TP63: variants seen among roughly 807,000 people sequenced by gnomAD.
The protein encoded by TP63 is tumor protein 63.
TP63 carries 17 observed loss-of-function variants against 82.8 expected under a neutral mutation model. The ratio of observed to expected loss-of-function variants is 0.21; its 90% CI spans 0.14 to 0.31. The LOEUF is 0.31. TP63 is among the 10% of genes least tolerant of loss of function. TP63 has a pLI of 1.00. For missense variants in TP63, 648 were observed against 895.3 expected, an observed-to-expected ratio of 0.72 and a Z score of 3.52; for synonymous variants, 330 against 321.7, an observed-to-expected ratio of 1.03 and a Z score of -0.28.
At chr3:189,784,132 A>G (rs1724423199) in intron 3 of TP63, among the ~76,000 whole-genome samples, 2 of 151,976 alleles carry the variant, frequency 1.3e-5, no homozygotes, top group Non-Finnish European at 2.9e-5. Context: ...TAAATTTCAC[A>G]CTATTTTTGT....
In TP63 at chr3:189,895,682, G is replaced by A. The variant is rs1721414544; in HGVS notation, c.*1180G>A. On this transcript the variant is annotated 3_prime_UTR_variant, in exon 14 of 14. Coordinates refer to ENST00000264731, the MANE Select transcript of TP63 (RefSeq NM_003722.5). ...AATCTTTTGAAGCATAGATAATATT[G>A]TTTGGTAAATGTTTCTTTTGTTTGG... 1 of 228,168 alleles carries A rather than the reference G, an allele frequency of 4.4e-6. No individual in the cohort carries two copies. Among genetic ancestry groups the A allele is most frequent in the Non-Finnish European group, 8.7e-6 (1 of 115,114 alleles). 14.1% of individuals were successfully genotyped at this position (228,168 alleles called of 1,614,324 possible).
At chr3:189,777,085 G>T (rs1723859490) in intron 3 of TP63, among the ~76,000 whole-genome samples, 1 of 152,152 alleles carries the variant, frequency 6.6e-6, no homozygotes, top group African/African-American at 2.4e-5. Flanking sequence ...GTATGAGAAA[G>T]ATACAGATAA....
intron 4 of TP63, among the ~76,000 whole-genome samples, chr3:189,855,219 C>G (rs965058150): frequency 2.0e-5 from 3 of 152,194 alleles, no homozygotes; most frequent in African/African-American, 7.2e-5. Flanking sequence ...GTATTGAGGT[C>G]AAGCATGAAA....
chr3:189,701,307 C>A (rs1273018271), intron 1 of TP63, among the ~76,000 whole-genome samples: 4 of 151,880 alleles, frequency 2.6e-5, no homozygotes, highest in Non-Finnish European at 2.9e-5. Context: ...GATGTGAAAG[C>A]TATGAAAATT....
intron 1 of TP63, among the ~76,000 whole-genome samples, chr3:189,682,459 G>C (rs367701837): frequency 2.8e-5 from 4 of 144,766 alleles, no homozygotes; most frequent in African/African-American, 1.0e-4. Context: ...AAAAAAATAG[G>C]ACGATATTTT....
chr3:189,714,937 G>A (rs1380850315), intron 1 of TP63, among the ~76,000 whole-genome samples: 2 of 152,110 alleles, frequency 1.3e-5, no homozygotes, highest in Non-Finnish European at 2.9e-5. Flanking sequence ...TGTACGTTCA[G>A]CAAACTGTTT....
At chr3:189,724,860 T>C (rs1363765351) in intron 1 of TP63, among the ~76,000 whole-genome samples, 1 of 152,214 alleles carries the variant, frequency 6.6e-6, no homozygotes, top group African/African-American at 2.4e-5. Flanking sequence ...GCTTACATTC[T>C]TCAGGCAGTG....
At chr3:189,833,476 A>G (rs967226048) in intron 4 of TP63, among the ~76,000 whole-genome samples, 1 of 152,208 alleles carries the variant, frequency 6.6e-6, no homozygotes, top group Non-Finnish European at 1.5e-5. Context: ...TAGAACTCAC[A>G]ATTCCCCTGT....
chr3:189,889,539 G>A (rs1720805733), intron 12 of TP63, 55 bp downstream of exon 12: 2 of 1,611,770 alleles, frequency 1.2e-6, no homozygotes, highest in Non-Finnish European at 1.7e-6. Context: ...CGGGATGGTG[G>A]AGGGCGGATA....
rs552684132 is a variant in TP63 at position 189,779,078 on chromosome 3, G to A, written c.325-29194G>A. On this transcript the variant is annotated intron_variant, in intron 3 of 13. Transcript: ENST00000264731. ...TAAATACAACACTCATACTGAATCCGTTTGAAGAAATGATTTCATCATTAT... is the reference window on the plus strand; with the variant it reads ...TAAATACAACACTCATACTGAATCCATTTGAAGAAATGATTTCATCATTAT... 7.2e-5 allele frequency among the ~76,000 whole-genome samples: 11 copies of A among 152,060 alleles called. 1 individual carries two copies. In the South Asian group the frequency reaches 1.7e-3, roughly 23 times the overall value.
intron 1 of TP63, among the ~76,000 whole-genome samples, chr3:189,689,098 CTTTTTCTTTTTTTTTTTTTTTTTTT>C (rs1380211219): frequency 2.3e-5 from 2 of 85,140 alleles, no homozygotes; most frequent in African/African-American, 8.6e-5. Flanking sequence ...TCAAATCTAC[CTTTTTCTTTTTTTTTTTTTTTTTTT>C]TTTTTTTTTT....
At chr3:189,645,455 A>G (rs558787033) in intron 1 of TP63, 1 of 301,642 alleles carries the variant, frequency 3.3e-6, no homozygotes, top group South Asian at 8.1e-5. Context: ...GGATTATATG[A>G]TCTTCTTTTT....
chr3:189,646,117 G>A (rs1335193275), intron 1 of TP63, among the ~76,000 whole-genome samples: 2 of 147,238 alleles, frequency 1.4e-5, no homozygotes, highest in South Asian at 2.2e-4. Context: ...TACAACTGTA[G>A]CACCTGGGAA....
rs1720769046 is a variant in TP63, at chr3:189,738,664, A to G, written c.214A>G (p.Ile72Val). ...LEQPICSVQP[I>V]DLNFVDEPSE... ...TAGGCCTATATGTTCAGTTCAGCCC[A>G]TTGACTTGAACTTTGTGGATGAACC... The change falls in exon 3 of 14, where the codon ATT becomes GTT. Residue 72 changes from isoleucine to valine, a missense_variant. Around this residue, in one of 5 missense-constraint regions of TP63, gnomAD observed 182 missense variants for 213.6 expected, o/e 0.85. Coordinates refer to ENST00000264731, the MANE Select transcript of TP63 (RefSeq NM_003722.5). 1 of 1,614,080 alleles carries G rather than the reference A, an allele frequency of 6.2e-7. No homozygotes were observed. Among genetic ancestry groups the G allele is most frequent in the Non-Finnish European group, 8.5e-7 (1 of 1,179,994 alleles).
intron 1 of TP63, among the ~76,000 whole-genome samples, chr3:189,712,846 T>C (rs529857303): frequency 5.3e-5 from 8 of 152,172 alleles, no homozygotes; most frequent in Non-Finnish European, 1.0e-4. Context: ...TATTATGAGA[T>C]GAGTTTAAGC....
intron 4 of TP63, among the ~76,000 whole-genome samples, chr3:189,826,472 A>G (rs1486185630): frequency 6.6e-6 from 1 of 152,216 alleles, no homozygotes; most frequent in African/African-American, 2.4e-5. Flanking sequence ...TCCAAGACAC[A>G]TACAGTTTTT....
chr3:189,728,919 C>T (rs577644364), intron 1 of TP63, among the ~76,000 whole-genome samples: 1 of 152,260 alleles, frequency 6.6e-6, no homozygotes, highest in African/African-American at 2.4e-5. Flanking sequence ...TGTGGGGATA[C>T]AGAGCCAAAC....
chr3:189,861,717 G>A (rs527820120), intron 4 of TP63, among the ~76,000 whole-genome samples: 1 of 152,048 alleles, frequency 6.6e-6, no homozygotes, highest in Non-Finnish European at 1.5e-5. Context: ...GAGAAGAGTC[G>A]GTAAGCATTG....
chr3:189,811,929 T>G (rs1381072323), intron 4 of TP63, among the ~76,000 whole-genome samples: 1 of 152,178 alleles, frequency 6.6e-6, no homozygotes, highest in Non-Finnish European at 1.5e-5. Context: ...GTAAAGAAAT[T>G]TTTTGTGCCT....
Sources: allele counts gnomAD v4.1 joint callset (sites outside exome capture counted in the v4.1 genomes callset), GRCh38; gene constraint gnomAD v4.1.1; regional missense constraint gnomAD v4.1.1; transcripts MANE v1.5; gene names NCBI Gene and HGNC (gene_info 2026-07-23, HGNC 2026-07-21).